The following BRINP3 variants were observed in gnomAD, a reference collection of about 807,000 sequenced individuals.
The protein encoded by BRINP3 is BMP/retinoic acid inducible neural specific 3, also known as BMP/retinoic acid-inducible neural-specific protein 3.
BRINP3 carries 19 observed loss-of-function variants against 71.0 expected under a neutral mutation model. The observed-to-expected ratio is 0.27, with a 90% confidence interval of 0.19 to 0.39. The LOEUF is 0.39. Among genes scored for constraint, BRINP3 ranks in the 10% least tolerant of loss-of-function variants. The pLI is 1.00. For synonymous variants in BRINP3, 380 were observed against 337.7 expected, an observed-to-expected ratio of 1.13 and a Z score of -1.37; for missense variants, 959 against 940.8, an observed-to-expected ratio of 1.02 and a Z score of -0.25.
intron 6 of BRINP3, among the ~76,000 whole-genome samples, chr1:190,202,366 G>A (rs1655080967): frequency 6.6e-6 from 1 of 152,122 alleles, no homozygotes; most frequent in Non-Finnish European, 1.5e-5. Flanking sequence ...TAACTAACTT[G>A]CTTTTGATTT....
chr1:190,253,493 T>A (rs549475249), intron 4 of BRINP3, among the ~76,000 whole-genome samples: 1 of 152,212 alleles, frequency 6.6e-6, no homozygotes, highest in Non-Finnish European at 1.5e-5. Flanking sequence ...GGTATCTCAA[T>A]GTGGTTTTCA....
intron 6 of BRINP3, among the ~76,000 whole-genome samples, chr1:190,164,586 G>T (rs1157214756): frequency 1.3e-5 from 2 of 151,834 alleles, no homozygotes; most frequent in Non-Finnish European, 1.5e-5. Flanking sequence ...TTCAGACATT[G>T]ATTTTTTATT....
intron 4 of BRINP3, among the ~76,000 whole-genome samples, chr1:190,238,839 T>C (rs920610662): frequency 6.6e-6 from 1 of 152,156 alleles, no homozygotes; most frequent in African/African-American, 2.4e-5. Context: ...CAACTATTCT[T>C]AGTAACCCCA....
At chr1:190,169,906 G>C (rs1252536329) in intron 6 of BRINP3, among the ~76,000 whole-genome samples, 1 of 152,052 alleles carries the variant, frequency 6.6e-6, no homozygotes, top group African/African-American at 2.4e-5. Context: ...AGCAGTCCTA[G>C]GAGGTGGGTC....
rs754174549 is a variant in BRINP3, at chr1:190,139,126, C to T, written c.1184+21542G>A. ...TCTGCATTAGGTAAAATAGATGGGTCACTGTCAGAAGACCGCATCATAGAA... is the reference window on the plus strand; with the variant it reads ...TCTGCATTAGGTAAAATAGATGGGTTACTGTCAGAAGACCGCATCATAGAA... On this transcript the variant is annotated intron_variant, in intron 7 of 7. Coordinates refer to ENST00000367462, the MANE Select transcript of BRINP3 (RefSeq NM_199051.3). Among the ~76,000 whole-genome samples, 4 of 151,380 alleles carry T rather than the reference C, an allele frequency of 2.6e-5. No homozygotes were observed. The East Asian group carries it at 7.8e-4, about 30-fold the overall frequency.
chr1:190,136,854 A>T (rs186521403), intron 7 of BRINP3, among the ~76,000 whole-genome samples: 1 of 152,202 alleles, frequency 6.6e-6, no homozygotes, highest in Admixed American at 6.5e-5. Context: ...TTGAGCACTT[A>T]CTACATAACA....
intron 7 of BRINP3, among the ~76,000 whole-genome samples, chr1:190,153,260 T>C (rs544037641): frequency 6.6e-6 from 1 of 152,276 alleles, no homozygotes; most frequent in African/African-American, 2.4e-5. Flanking sequence ...TTTGTTTGCA[T>C]TTAGACCATT....
intron 2 of BRINP3, among the ~76,000 whole-genome samples, chr1:190,402,255 T>C (rs992672263): frequency 6.6e-6 from 1 of 152,156 alleles, no homozygotes; most frequent in African/African-American, 2.4e-5. Flanking sequence ...TATTTTTATA[T>C]TTAAAACATT....
intron 7 of BRINP3, among the ~76,000 whole-genome samples, chr1:190,117,830 G>C (rs1258528190): frequency 6.6e-6 from 1 of 151,954 alleles, no homozygotes; most frequent in Non-Finnish European, 1.5e-5. Context: ...TCATCATGTA[G>C]TTACATCACT....
chr1:190,163,054 T>G (rs144529408), intron 6 of BRINP3, among the ~76,000 whole-genome samples: 97 of 152,272 alleles, frequency 6.4e-4, no homozygotes, highest in African/African-American at 2.2e-3. Context: ...AAATTCACTC[T>G]ACTTAGAAGA....
At chr1:190,113,398 G>A (rs1652856548) in intron 7 of BRINP3, among the ~76,000 whole-genome samples, 1 of 152,106 alleles carries the variant, frequency 6.6e-6, no homozygotes, top group Admixed American at 6.6e-5. Flanking sequence ...GGCGGAGATT[G>A]TGGAACATAA....
intron 7 of BRINP3, among the ~76,000 whole-genome samples, chr1:190,142,048 A>G (rs925732963): frequency 4.6e-5 from 7 of 152,150 alleles, no homozygotes; most frequent in African/African-American, 1.7e-4. Flanking sequence ...CCAGAAGAAA[A>G]TATGGGAGAA....
intron 2 of BRINP3, among the ~76,000 whole-genome samples, chr1:190,444,239 C>CAAAAAAAAAAAAAAAAAAAAAA (rs764014934): frequency 3.6e-5 from 2 of 56,310 alleles, no homozygotes; most frequent in Non-Finnish European, 3.1e-5. Flanking sequence ...AACTCCGTCT[C>CAAAAAAAAAAAAAAAAAAAAAA]AAAAAAAAAA....
intron 2 of BRINP3, among the ~76,000 whole-genome samples, chr1:190,305,569 G>C (rs1665036619): frequency 6.6e-6 from 1 of 151,594 alleles, no homozygotes; most frequent in South Asian, 2.1e-4. Context: ...GAAGAATAGT[G>C]ATTATTAGAA....
At chr1:190,439,502 C>A (rs1364699033) in intron 2 of BRINP3, among the ~76,000 whole-genome samples, 1 of 151,338 alleles carries the variant, frequency 6.6e-6, no homozygotes, top group Non-Finnish European at 1.5e-5. Context: ...CATCTAATTC[C>A]AAATTTTTGT....
intron 2 of BRINP3, among the ~76,000 whole-genome samples, chr1:190,318,187 A>G (rs1036922643): frequency 1.3e-5 from 2 of 152,116 alleles, no homozygotes; most frequent in Non-Finnish European, 2.9e-5. Flanking sequence ...TAATCAATGT[A>G]GAATTATAAT....
intron 2 of BRINP3, among the ~76,000 whole-genome samples, chr1:190,408,227 G>A (rs761837190): frequency 8.7e-5 from 13 of 149,610 alleles, no homozygotes; most frequent in Non-Finnish European, 1.9e-4. Flanking sequence ...TGTATTTTTA[G>A]TAGAGACGGG....
In BRINP3 at chr1:190,469,320, C is replaced by T. The variant is rs149616373; in HGVS notation, c.-51+8128G>A. ...TGTCTTTATATATTAGTGAACTGGTCTGGATGAATAATAAGAAATTCTATT... is the reference window on the plus strand; with the variant it reads ...TGTCTTTATATATTAGTGAACTGGTTTGGATGAATAATAAGAAATTCTATT... On this transcript the variant is annotated intron_variant, in intron 1 of 7. Transcript: ENST00000367462. Among the ~76,000 whole-genome samples the T allele has an allele frequency of 3.3e-3, 493 of 150,932 alleles. 5 individuals are homozygous for T. Among genetic ancestry groups the T allele is most frequent in the African/African-American group, 0.011 (461 of 41,418 alleles).
chr1:190,290,209 A>G (rs1351332654), intron 2 of BRINP3, among the ~76,000 whole-genome samples: 1 of 152,096 alleles, frequency 6.6e-6, no homozygotes, highest in Admixed American at 6.6e-5. Context: ...CTAAACTGAG[A>G]AACACTAACC....
Sources: gnomAD v4.1 joint callset for allele counts (sites outside exome capture counted in the v4.1 genomes callset) on GRCh38, gnomAD v4.1.1 for gene constraint, MANE v1.5 for transcripts, NCBI Gene and HGNC (gene_info 2026-07-23, HGNC 2026-07-21) for gene names.